The following VRK2 variants were observed in gnomAD, a reference collection of about 807,000 sequenced individuals.
VRK2 encodes serine/threonine-protein kinase VRK2.
VRK2 carries 60 observed loss-of-function variants against 57.6 expected under a neutral mutation model. The observed-to-expected ratio is 1.04, with a 90% CI of 0.85 to 1.29. The LOEUF (loss-of-function observed/expected upper bound fraction) is 1.29. VRK2 is among the 50% of genes most tolerant of loss of function. The pLI, the probability that VRK2 is intolerant of heterozygous loss-of-function variation, is 0.00. For synonymous variants in VRK2, 231 were observed against 199.2 expected (o/e 1.16, Z -1.35); for missense variants, 705 against 588.1 (o/e 1.20, Z -2.06).
At chr2:58,027,073 T>G (rs926131933) in intron 2 of VRK2, among the ~76,000 whole-genome samples, 3 of 152,222 alleles carry the variant, frequency 2.0e-5, no homozygotes, top group Middle Eastern at 3.4e-3. Flanking sequence ...TTTTAAACTT[T>G]TATTTAAATA....
intron 7 of VRK2, among the ~76,000 whole-genome samples, chr2:58,112,888 TAATCTCTTGG>T (rs1451347225): frequency 6.6e-6 from 1 of 152,162 alleles, no homozygotes; most frequent in African/African-American, 2.4e-5. Context: ...GTCTTTTAGG[TAATCTCTTGG>T]AACTGCCCTC....
At chr2:57,917,098 A>G (rs2103897063) in intron 1 of VRK2, among the ~76,000 whole-genome samples, 1 of 152,316 alleles carries the variant, frequency 6.6e-6, no homozygotes, top group East Asian at 1.9e-4. Context: ...AAAATTTGCT[A>G]AAATTTGGTC....
chr2:57,929,441 C>T (rs1396147722), intron 1 of VRK2, among the ~76,000 whole-genome samples: 1 of 152,132 alleles, frequency 6.6e-6, no homozygotes, highest in Non-Finnish European at 1.5e-5. Flanking sequence ...GCCTAGGACC[C>T]TCCCTTAAGG....
chr2:57,997,957 T>G (rs1157294994), intron 1 of VRK2, among the ~76,000 whole-genome samples: 3 of 152,108 alleles, frequency 2.0e-5, no homozygotes, highest in Admixed American at 2.0e-4. Flanking sequence ...TAAATTGTAT[T>G]AGTCAAACAG....
chr2:57,928,917 T>C (rs1431662764), intron 1 of VRK2, among the ~76,000 whole-genome samples: 2 of 152,200 alleles, frequency 1.3e-5, no homozygotes, highest in African/African-American at 4.8e-5. Flanking sequence ...GTGGAGTCTC[T>C]TTCTCCATGT....
At chr2:57,932,333 C>T (rs766515975) in intron 1 of VRK2, among the ~76,000 whole-genome samples, 5 of 152,046 alleles carry the variant, frequency 3.3e-5, no homozygotes, top group Non-Finnish European at 7.4e-5. Flanking sequence ...TCTGAGCTCT[C>T]ATTTTTCCGG....
Position 58,083,550 on chromosome 2 carries a change from A to G in VRK2, c.137-539A>G, listed in dbSNP as rs1238436760. Among the ~76,000 whole-genome samples the G allele has an allele frequency of 4.6e-5, 7 of 151,838 alleles. No homozygotes were observed. In the East Asian group the frequency reaches 1.3e-3, roughly 29 times the overall value. On this transcript the variant is annotated intron_variant, in intron 2 of 12. Transcript: ENST00000340157. ...TAATTGATTAGCAGGTTCAGAAGAA[A>G]TTTTTAAAGACTTTATTCTCATTTT...
intron 2 of VRK2, among the ~76,000 whole-genome samples, chr2:58,073,937 C>T (rs1669710559): frequency 6.6e-6 from 1 of 152,000 alleles, no homozygotes. Context: ...TGGGCCCACC[C>T]AGATTAAGGG....
intron 7 of VRK2, among the ~76,000 whole-genome samples, chr2:58,119,158 G>T (rs1454151645): frequency 6.6e-6 from 1 of 152,122 alleles, no homozygotes; most frequent in African/African-American, 2.4e-5. Flanking sequence ...TACAGAGAGA[G>T]ATCTTGGTTC....
chr2:58,139,781 C>G lies in VRK2; in HGVS notation c.972C>G (p.Asp324Glu). The G allele has an allele frequency of 2.5e-6, 4 of 1,613,112 alleles. No individual in the cohort carries two copies. The highest frequency in any genetic ancestry group is 3.4e-6 in the Non-Finnish European group (4 of 1,179,356). ...NPHGIPLGPL[D>E]FSTKGQSINV... Reference sequence around the variant, plus strand: ...ATGGAATACCTTTAGGACCACTGGACTTTTCCACAAAAGGACAGAGTATAA... The same window carrying G: ...ATGGAATACCTTTAGGACCACTGGAGTTTTCCACAAAAGGACAGAGTATAA... Residue 324 changes from aspartate (D) to glutamate (E), a missense_variant, in exon 11 of 13, where the codon GAC becomes GAG. Asp to Glu is a conservative substitution (Grantham distance 45). Coordinates refer to ENST00000340157, the MANE Select transcript of VRK2 (RefSeq NM_006296.7).
At chr2:58,096,438 C>T (rs564802171) in intron 7 of VRK2, among the ~76,000 whole-genome samples, 1 of 151,746 alleles carries the variant, frequency 6.6e-6, no homozygotes, top group Admixed American at 6.6e-5. Flanking sequence ...GAAATTGGTT[C>T]GATTCTTTAT....
At chr2:57,950,232 A>G (rs2103974974) in intron 1 of VRK2, among the ~76,000 whole-genome samples, 1 of 152,362 alleles carries the variant, frequency 6.6e-6, no homozygotes, top group East Asian at 1.9e-4. Flanking sequence ...TCTATTGAAA[A>G]ACGATGCCAT....
upstream of VRK2, among the ~76,000 whole-genome samples, chr2:58,043,510 T>C (rs1359300553): frequency 6.6e-6 from 1 of 152,182 alleles, no homozygotes. Flanking sequence ...CTCCTTTGTG[T>C]CTTCTTTTAC....
intron 1 of VRK2, among the ~76,000 whole-genome samples, chr2:57,920,647 A>G (rs918897422): frequency 6.6e-6 from 1 of 152,056 alleles, no homozygotes; most frequent in African/African-American, 2.4e-5. Context: ...TGCTATTCAA[A>G]ACGTTGCTCC....
At chr2:58,017,824 T>G (rs1673632064) in intron 1 of VRK2, among the ~76,000 whole-genome samples, 1 of 152,178 alleles carries the variant, frequency 6.6e-6, no homozygotes. Flanking sequence ...GCTAGTCTCT[T>G]AGATTTGTTG....
chr2:58,040,969 T>C (rs545732335), intron 3 of VRK2: 1 of 896,692 alleles, frequency 1.1e-6, no homozygotes, highest in South Asian at 5.2e-5. Flanking sequence ...GTGTCAACTC[T>C]ATTCTTATTG....
At chr2:58,054,840 A>G (rs1676280342) in intron 2 of VRK2, among the ~76,000 whole-genome samples, 1 of 152,140 alleles carries the variant, frequency 6.6e-6, no homozygotes, top group Non-Finnish European at 1.5e-5. Flanking sequence ...ATTCCTGAAC[A>G]CTCTGTTGTA....
At chr2:58,132,080 A>T in intron 9 of VRK2, 152 bp downstream of exon 9, 1 of 850,578 alleles carries the variant, frequency 1.2e-6, no homozygotes, top group South Asian at 2.0e-5. Flanking sequence ...AAAAAACCAA[A>T]CAACTAACAC....
chr2:58,079,312 A>G (rs190355182), intron 2 of VRK2, among the ~76,000 whole-genome samples: 2 of 152,096 alleles, frequency 1.3e-5, no homozygotes, highest in East Asian at 3.9e-4. Flanking sequence ...ATTATTTTCC[A>G]TTTACAATTA....
Sources: gnomAD v4.1 joint callset for allele counts (sites outside exome capture counted in the v4.1 genomes callset) on GRCh38, gnomAD v4.1.1 for gene constraint, MANE v1.5 for transcripts, NCBI Gene and HGNC (gene_info 2026-07-23, HGNC 2026-07-21) for gene names.